The following RCOR1 variants were observed in gnomAD, a reference collection of about 807,000 sequenced individuals.
RCOR1 encodes the protein REST corepressor.
Under a neutral mutation model 64.0 loss-of-function variants are expected in RCOR1, and 12 were observed. The observed-to-expected ratio is 0.19, with a 90% CI of 0.12 to 0.30. The LOEUF is 0.30. Among genes scored for constraint, RCOR1 ranks in the 10% least tolerant of loss-of-function variants. RCOR1 has a pLI of 1.00. For missense variants in RCOR1, 502 were observed against 621.2 expected (o/e 0.81, Z 2.04); for synonymous variants, 279 against 227.2 (o/e 1.23, Z -2.05).
At chr14:102,697,482 T>C (rs1386581072) in intron 3 of RCOR1, among the ~76,000 whole-genome samples, 1 of 152,218 alleles carries the variant, frequency 6.6e-6, no homozygotes, top group Non-Finnish European at 1.5e-5. Context: ...TCAGCAAATG[T>C]CTGTCTGATT....
intron 2 of RCOR1, among the ~76,000 whole-genome samples, chr14:102,634,552 CAAAT>C (rs1299533138): frequency 1.3e-5 from 2 of 151,472 alleles, no homozygotes; most frequent in Admixed American, 6.6e-5. Flanking sequence ...TAATGCATAA[CAAAT>C]AAATACTAAG....
intron 3 of RCOR1, among the ~76,000 whole-genome samples, chr14:102,684,664 A>G (rs1221543786): frequency 6.6e-6 from 1 of 152,182 alleles, no homozygotes; most frequent in African/African-American, 2.4e-5. Context: ...AAAAAAATTC[A>G]CCTATTATTC....
At chr14:102,687,102 G>C (rs975900904) in intron 3 of RCOR1, among the ~76,000 whole-genome samples, 9 of 152,176 alleles carry the variant, frequency 5.9e-5, no homozygotes, top group African/African-American at 1.9e-4. Flanking sequence ...TATCTACTGA[G>C]TTTTCATTTA....
At position 102,714,633 on chromosome 14, in the gene RCOR1, G is replaced by C. The variant is rs763255770; in HGVS notation, c.1053+16G>C. The C allele has an allele frequency of 4.5e-6, 7 of 1,558,386 alleles. No individual in the cohort carries two copies. The South Asian group carries it at 4.7e-5, about 10-fold the overall frequency. On this transcript the variant is annotated intron_variant, in intron 8 of 11. Coordinates refer to ENST00000262241, the MANE Select transcript of RCOR1 (RefSeq NM_015156.4). ...CAAACGACAGGTACTCATAAGCCTG[G>C]TCTTGGATGTAAAAGAATTAATTAG...
At chr14:102,718,765 C>G (rs142631972) in intron 8 of RCOR1, among the ~76,000 whole-genome samples, 1 of 152,030 alleles carries the variant, frequency 6.6e-6, no homozygotes, top group African/African-American at 2.4e-5. Context: ...TTAATAAACA[C>G]TAGATGTTTG....
rs1005849083 is a variant in RCOR1 at position 102,619,312 on chromosome 14, G to C, written c.361+25987G>C. Among the ~76,000 whole-genome samples, 6 of 152,006 alleles carry C rather than the reference G, an allele frequency of 3.9e-5. No homozygotes were observed. The South Asian group carries it at 1.2e-3, about 32-fold the overall frequency. On this transcript the variant is annotated intron_variant, in intron 2 of 11. Transcript: ENST00000262241. Reference sequence around the variant, plus strand: ...ACTTTTTATTTTTAGTAGAGTTGGGGTTTCACCATGTTGGTTAGGCTGGTC... The same window carrying C: ...ACTTTTTATTTTTAGTAGAGTTGGGCTTTCACCATGTTGGTTAGGCTGGTC...
At chr14:102,690,146 T>G (rs976732184) in intron 3 of RCOR1, among the ~76,000 whole-genome samples, 1 of 152,178 alleles carries the variant, frequency 6.6e-6, no homozygotes, top group African/African-American at 2.4e-5. Context: ...AAGTTTAAGT[T>G]AGGGATTTAA....
At chr14:102,689,145 A>G (rs779105001) in intron 3 of RCOR1, among the ~76,000 whole-genome samples, 3 of 152,180 alleles carry the variant, frequency 2.0e-5, no homozygotes, top group Non-Finnish European at 4.4e-5. Flanking sequence ...AGTTTAAAAT[A>G]TATGTAGAGT....
At chr14:102,648,163 C>T (rs1894513932) in intron 2 of RCOR1, among the ~76,000 whole-genome samples, 1 of 152,128 alleles carries the variant, frequency 6.6e-6, no homozygotes, top group South Asian at 2.1e-4. Context: ...ACTGCAACCC[C>T]CGCCTCCCGG....
At chr14:102,654,743 T>A (rs1333425540) in intron 2 of RCOR1, among the ~76,000 whole-genome samples, 5 of 148,852 alleles carry the variant, frequency 3.4e-5, no homozygotes, top group Non-Finnish European at 5.9e-5. Flanking sequence ...AGAAAAAAAA[T>A]ATAGAATTGG....
chr14:102,630,068 A>G, intron 2 of RCOR1: 1 of 848,282 alleles, frequency 1.2e-6, no homozygotes, highest in Non-Finnish European at 1.4e-6. Flanking sequence ...GTCCTTAGCA[A>G]ACCTCATGTT....
intron 6 of RCOR1, among the ~76,000 whole-genome samples, chr14:102,709,517 A>C (rs149084398): frequency 6.6e-6 from 1 of 152,212 alleles, no homozygotes; most frequent in Non-Finnish European, 1.5e-5. Flanking sequence ...TATCATTTCA[A>C]ATGAAAGAGT....
At chr14:102,661,934 T>A (rs544525649) in intron 2 of RCOR1, among the ~76,000 whole-genome samples, 21 of 152,178 alleles carry the variant, frequency 1.4e-4, no homozygotes, top group Non-Finnish European at 2.5e-4. Context: ...TTTTTTTTTT[T>A]ATTTTTTGTA....
At chr14:102,645,409 G>C (rs1166714248) in intron 2 of RCOR1, among the ~76,000 whole-genome samples, 1 of 152,000 alleles carries the variant, frequency 6.6e-6, no homozygotes. Flanking sequence ...GAGTTTATTA[G>C]GTGCATTTCC....
chr14:102,654,446 C>T (rs564743254), intron 2 of RCOR1, among the ~76,000 whole-genome samples: 4 of 152,116 alleles, frequency 2.6e-5, no homozygotes, highest in East Asian at 3.9e-4. Context: ...TGAGTAATGC[C>T]GCATAATGGC....
intron 2 of RCOR1, among the ~76,000 whole-genome samples, chr14:102,639,868 G>C (rs1894330308): frequency 6.7e-6 from 1 of 149,606 alleles, no homozygotes. Flanking sequence ...TCATTCATGA[G>C]ACGGAGTCTC....
chr14:102,719,115 C>G (rs1296291745), intron 8 of RCOR1, among the ~76,000 whole-genome samples: 1 of 152,074 alleles, frequency 6.6e-6, no homozygotes, highest in East Asian at 1.9e-4. Context: ...CAGGGTCTGG[C>G]ACTGTCACCC....
chr14:102,689,182 G>C (rs1295902452), intron 3 of RCOR1, among the ~76,000 whole-genome samples: 1 of 152,188 alleles, frequency 6.6e-6, no homozygotes, highest in Admixed American at 6.5e-5. Flanking sequence ...GCCCAGTCTG[G>C]TTCCTTTTAC....
At chr14:102,679,573 C>CGG (rs1895261068) in intron 2 of RCOR1, among the ~76,000 whole-genome samples, 1 of 151,722 alleles carries the variant, frequency 6.6e-6, no homozygotes, top group Admixed American at 6.6e-5. Flanking sequence ...CCGCCTCTCG[C>CGG]GTTCACGCCA....
Sources: gnomAD v4.1 joint callset for allele counts (sites outside exome capture counted in the v4.1 genomes callset) on GRCh38, gnomAD v4.1.1 for gene constraint, MANE v1.5 for transcripts, NCBI Gene and HGNC (gene_info 2026-07-23, HGNC 2026-07-21) for gene names.